Variants in CA2 observed in about 807,000 individuals in gnomAD.
The protein encoded by CA2 is carbonate dehydratase II.
Under a neutral mutation model 27.8 loss-of-function variants are expected in CA2, and 23 were observed. The ratio of observed to expected loss-of-function variants is 0.83; its 90% CI spans 0.59 to 1.17. The LOEUF is 1.17. CA2 is among the 50% of genes most tolerant of loss of function. The pLI is 0.00. For synonymous variants in CA2, 99 were observed against 114.9 expected, an observed-to-expected ratio of 0.86 and a Z score of 0.88; for missense variants, 300 against 314.7, an observed-to-expected ratio of 0.95 and a Z score of 0.35.
At chr8:85,464,247 G>A (rs966820772) in intron 1 of CA2, 132 bp downstream of exon 1, 41 of 779,212 alleles carry the variant, frequency 5.3e-5, no homozygotes, top group Non-Finnish European at 7.2e-5. Context: ...GGGGAGTGCT[G>A]GAGGCTCAGG....
rs1345405870 is a variant in CA2, at chr8:85,476,898, ATAGTTT to A, written c.508-220_508-215del. Among the ~76,000 whole-genome samples, 3 of 152,110 alleles carry A rather than the reference ATAGTTT, an allele frequency of 2.0e-5. No homozygotes were observed. The East Asian group carries it at 5.8e-4, about 29-fold the overall frequency. On this transcript the variant is annotated intron_variant, in intron 5 of 6. Transcript: ENST00000285379. ...CAAGATGAAAAATGGACATGTGAAA[ATAGTTT>A]TTTTTTTTTTTTACTACGACTTGCC... is the stretch of plus-strand genomic sequence containing the variant.
chr8:85,465,120 A>T, intron 1 of CA2, 152 bp from the exon 2 acceptor site: 1 of 620,074 alleles, frequency 1.6e-6, no homozygotes, highest in Admixed American at 2.8e-5. Flanking sequence ...ACTGAGGCAC[A>T]GATTACGTGT....
At chr8:85,479,086 C>T (rs1324100224) in intron 6 of CA2, among the ~76,000 whole-genome samples, 3 of 151,302 alleles carry the variant, frequency 2.0e-5, no homozygotes, top group East Asian at 2.0e-4. Flanking sequence ...AGGGAGAGGG[C>T]GGATGTCTGT....
intron 6 of CA2, 129 bp downstream of exon 6, chr8:85,477,404 C>T (rs1811819238): frequency 9.8e-6 from 10 of 1,025,030 alleles, no homozygotes; most frequent in South Asian, 1.3e-5. Flanking sequence ...GGAAATAGTG[C>T]CTTTGATGGT....
At position 85,476,230 on chromosome 8, in the gene CA2, A is replaced by G. The variant is rs574482961; in HGVS notation, c.507+370A>G. 6.6e-5 allele frequency among the ~76,000 whole-genome samples: 10 copies of G among 152,348 alleles called. 1 individual carries two copies. In the South Asian group the frequency reaches 2.1e-3, roughly 32 times the overall value. On this transcript the variant is annotated intron_variant, in intron 5 of 6. Coordinates refer to ENST00000285379, the MANE Select transcript of CA2 (RefSeq NM_000067.3). The stretch of plus-strand genomic sequence containing the variant: ...CTATGTGCCAGTCGCTTTGCAAACT[A>G]GTAGACACAATGGTGAACAAGATAA...
chr8:85,480,505 ACCTCAAG>A (rs1811872818), intron 6 of CA2, among the ~76,000 whole-genome samples, 158 bp from the exon 7 acceptor site: 1 of 150,328 alleles, frequency 6.7e-6, no homozygotes, highest in African/African-American at 2.4e-5. Flanking sequence ...CGAATTGCTG[ACCTCAAG>A]TGATCCACCC....
intron 1 of CA2, 42 bp downstream of exon 1, chr8:85,464,157 CG>C: frequency 6.8e-7 from 1 of 1,463,594 alleles, no homozygotes; most frequent in Non-Finnish European, 9.2e-7. Flanking sequence ...CCCCGATCCC[CG>C]ATCCCCGATC....
At chr8:85,480,620 T>G (rs1484814605) in intron 6 of CA2, 50 bp from the exon 7 acceptor site, 1 of 1,575,086 alleles carries the variant, frequency 6.3e-7, no homozygotes, top group East Asian at 2.2e-5. Flanking sequence ...AGTATATAAC[T>G]GAATACCATT....
At position 85,475,025 on chromosome 8, in the gene CA2, G is replaced by A. The variant is rs139353226; in HGVS notation, c.444+609G>A. Among the ~76,000 whole-genome samples the A allele has an allele frequency of 2.5e-3, 377 of 152,070 alleles. 3 individuals carry two copies. Among genetic ancestry groups the A allele is most frequent in the African/African-American group, 8.1e-3 (336 of 41,516 alleles). ...AGATGCAAATTAAACAACTTAAAAG[G>A]GGCCAGGTGTGGTGGCTTAAGCCTG... On this transcript the variant is annotated intron_variant, in intron 4 of 6. Coordinates refer to ENST00000285379, the MANE Select transcript of CA2 (RefSeq NM_000067.3).
At position 85,464,061 on chromosome 8, in the gene CA2, G is replaced by T. The variant is rs746755362; in HGVS notation, c.-21G>T. 38 of 1,545,506 alleles carry T rather than the reference G, an allele frequency of 2.5e-5. No individual in the cohort carries two copies. The Admixed American group carries it at 6.8e-4, about 28-fold the overall frequency. ...CCAGATCGGTGCCGATTCCTGCCCT[G>T]CCCCGACCGCCAGCGCGACCATGTC... On this transcript the variant is annotated 5_prime_UTR_variant, in exon 1 of 7. Transcript: ENST00000285379.
chr8:85,477,226 G>A lies in CA2; in HGVS notation c.614G>A (p.Cys205Tyr). The part of the protein sequence containing the change: ...GSLTTPPLLE[C>Y]VTWIVLKEPI... Reference sequence around the variant, plus strand: ...CTGACCACCCCTCCTCTTCTGGAATGTGTGACCTGGATTGTGCTCAAGGAA... The same window carrying A: ...CTGACCACCCCTCCTCTTCTGGAATATGTGACCTGGATTGTGCTCAAGGAA... The change falls in exon 6 of 7, where the codon TGT (cysteine) becomes TAT (tyrosine). Residue 205 changes from cysteine to tyrosine, a missense_variant. Physicochemically the swap from Cys to Tyr is radical, Grantham distance 194. Around this residue, in one of 3 missense-constraint regions of CA2, gnomAD observed 173 missense variants for 161.0 expected, o/e 1.07. Transcript: ENST00000285379. 6.2e-7 allele frequency: 1 copy of A among 1,614,096 alleles called. No homozygotes were observed. The highest frequency in any genetic ancestry group is 1.1e-5 in the South Asian group (1 of 91,076).
intron 5 of CA2, 129 bp from the exon 6 acceptor site, chr8:85,476,991 A>G: frequency 1.2e-6 from 1 of 853,400 alleles, no homozygotes; most frequent in Non-Finnish European, 2.0e-6. Context: ...CAGTGAATAT[A>G]GAACCTCTTT....
In CA2 at chr8:85,464,118, G is replaced by T; in HGVS notation, c.34+3G>T. ...CTGGGGGTACGGCAAACACAACGGTGAGTGCCGGCGACGGCCAGCGCGGGG... is the reference window on the plus strand; with the variant it reads ...CTGGGGGTACGGCAAACACAACGGTTAGTGCCGGCGACGGCCAGCGCGGGG... On this transcript the variant is annotated splice_donor_region_variant and intron_variant, in intron 1 of 6. Coordinates refer to ENST00000285379, the MANE Select transcript of CA2 (RefSeq NM_000067.3). 1 of 1,539,856 alleles carries T rather than the reference G, an allele frequency of 6.5e-7. No homozygotes were observed. The highest frequency in any genetic ancestry group is 8.7e-7 in the Non-Finnish European group (1 of 1,144,958).
At chr8:85,472,250 T>C (rs1160014078) in intron 2 of CA2, among the ~76,000 whole-genome samples, 1 of 152,238 alleles carries the variant, frequency 6.6e-6, no homozygotes, top group Non-Finnish European at 1.5e-5. Context: ...AAAGTAAAGC[T>C]AATAAAATAC....
chr8:85,473,974 C>T, intron 3 of CA2, 163 bp downstream of exon 3: 2 of 642,818 alleles, frequency 3.1e-6, no homozygotes, highest in East Asian at 2.7e-5. Context: ...ATTGTGACAT[C>T]ATACTTAACG....
chr8:85,473,555 G>A (rs1811740035), intron 2 of CA2, 138 bp from the exon 3 acceptor site: 3 of 700,064 alleles, frequency 4.3e-6, no homozygotes, highest in African/African-American at 3.5e-5. Context: ...CAAACATTTA[G>A]TACTGTAAAA....
In CA2 at chr8:85,465,406, C is replaced by T. The variant is rs770204499; in HGVS notation, c.169C>T (p.Leu57=). The change falls in exon 2 of 7, where the codon CTG becomes TTG. Residue 57 remains leucine (L), a synonymous_variant. Transcript: ENST00000285379. ...TGTTTCCTATGATCAAGCAACTTCC[C>T]TGAGGATCCTCAACAATGGTCATGC... ...LSVSYDQATS[L]RILNNGHAFN... 6.2e-7 allele frequency: 1 copy of T among 1,614,220 alleles called. No individual in the cohort carries two copies. The highest frequency in any genetic ancestry group is 8.5e-7 in the Non-Finnish European group (1 of 1,180,042).
At chr8:85,478,636 C>T (rs2130566620) in intron 6 of CA2, among the ~76,000 whole-genome samples, 1 of 152,264 alleles carries the variant, frequency 6.6e-6, no homozygotes, top group Admixed American at 6.5e-5. Flanking sequence ...AATCCCTGTA[C>T]CCTGAGTTTG....
At chr8:85,470,651 T>C (rs775571064) in intron 2 of CA2, among the ~76,000 whole-genome samples, 1 of 152,186 alleles carries the variant, frequency 6.6e-6, no homozygotes. Flanking sequence ...GTAATTTATA[T>C]AATTTCCTCA....
Sources: allele counts gnomAD v4.1 joint callset (sites outside exome capture counted in the v4.1 genomes callset), GRCh38; gene constraint gnomAD v4.1.1; regional missense constraint gnomAD v4.1.1; transcripts MANE v1.5; gene names NCBI Gene and HGNC (gene_info 2026-07-23, HGNC 2026-07-21).